Variants in PTPRT observed in about 807,000 individuals in gnomAD.
PTPRT encodes the protein receptor-type tyrosine-protein phosphatase T.
PTPRT carries 56 observed loss-of-function variants against 176.8 expected under a neutral mutation model. The ratio of observed to expected loss-of-function variants is 0.32; its 90% CI spans 0.26 to 0.40. The LOEUF is 0.40. PTPRT is among the 10% of genes least tolerant of loss of function. PTPRT has a pLI of 1.00. For missense variants in PTPRT, 1,540 were observed against 1,908.2 expected (o/e 0.81, Z 3.60); for synonymous variants, 783 against 739.0 (o/e 1.06, Z -0.96).
chr20:42,439,564 C>T (rs967375528), intron 9 of PTPRT, among the ~76,000 whole-genome samples: 1 of 152,150 alleles, frequency 6.6e-6, no homozygotes, highest in Non-Finnish European at 1.5e-5. Flanking sequence ...AGCGTAACAT[C>T]AGATAGAGGT....
the PTPRT span, among the ~76,000 whole-genome samples, chr20:42,064,523 A>G: frequency 2.0e-5 from 3 of 151,938 alleles, no homozygotes; most frequent in East Asian, 5.8e-4. Flanking sequence ...TTTCTTTTCC[A>G]TTATGTTTTC....
intron 9 of PTPRT, among the ~76,000 whole-genome samples, chr20:42,443,018 C>A (rs1282693589): frequency 7.2e-5 from 11 of 152,148 alleles, no homozygotes; most frequent in Non-Finnish European, 1.0e-4. Flanking sequence ...TTAATCAAAC[C>A]CAAAAGCAGG....
Position 43,139,238 on chromosome 20 carries a change from A to G in PTPRT, c.88+50408T>C, listed in dbSNP as rs369111864. Among the ~76,000 whole-genome samples the G allele has an allele frequency of 3.5e-4, 53 of 152,254 alleles. 2 individuals are homozygous for G. The Middle Eastern group carries it at 0.017, about 49-fold the overall frequency. ...CTGTCTTGTGCTCAGTCTCTTTTGC[A>G]CGTGTCTTCTCCCCACTCGATTGTT... On this transcript the variant is annotated intron_variant, in intron 1 of 30. Transcript: ENST00000373187.
At chr20:42,250,920 C>T (rs568645811) in intron 13 of PTPRT, among the ~76,000 whole-genome samples, 5 of 152,220 alleles carry the variant, frequency 3.3e-5, no homozygotes, top group Non-Finnish European at 5.9e-5. Flanking sequence ...AGACTCTTCT[C>T]ATCTACAGCC....
chr20:42,620,914 G>A (rs777986986), intron 7 of PTPRT, among the ~76,000 whole-genome samples: 4 of 152,152 alleles, frequency 2.6e-5, no homozygotes, highest in East Asian at 1.9e-4. Context: ...CATCGCTCAC[G>A]CTGGGAGCTG....
At chr20:42,924,652 C>T (rs766341648) in intron 1 of PTPRT, among the ~76,000 whole-genome samples, 1 of 152,230 alleles carries the variant, frequency 6.6e-6, no homozygotes, top group Non-Finnish European at 1.5e-5. Flanking sequence ...CAGAACATCA[C>T]AGCTGGCAAA....
chr20:43,018,512 T>C (rs1052212919), intron 1 of PTPRT, among the ~76,000 whole-genome samples: 8 of 152,214 alleles, frequency 5.3e-5, no homozygotes, highest in African/African-American at 1.9e-4. Flanking sequence ...TTGCATTTTT[T>C]AAAATTGAGA....
intron 2 of PTPRT, among the ~76,000 whole-genome samples, chr20:42,858,635 C>T (rs567124051): frequency 1.3e-5 from 2 of 152,252 alleles, no homozygotes; most frequent in East Asian, 1.9e-4. Flanking sequence ...AGAGATCTCA[C>T]GAGATATGGA....
At chr20:42,523,454 T>C (rs1175473493) in intron 7 of PTPRT, among the ~76,000 whole-genome samples, 1 of 152,224 alleles carries the variant, frequency 6.6e-6, no homozygotes, top group Non-Finnish European at 1.5e-5. Flanking sequence ...TACTCATTAT[T>C]TGTAATTTAT....
At position 42,897,770 on chromosome 20, in the gene PTPRT, C is replaced by G. The variant is rs184703192; in HGVS notation, c.89-11838G>C. ...TGACCTTGGCCAACTTATGTAACTT[C>G]TATGTGCTTCATTTCTCCATCTGTA... On this transcript the variant is annotated intron_variant, in intron 1 of 30. Coordinates refer to ENST00000373187, the MANE Select transcript of PTPRT (RefSeq NM_007050.6). 7.9e-5 allele frequency among the ~76,000 whole-genome samples: 12 copies of G among 152,254 alleles called. No individual in the cohort carries two copies. In the East Asian group the frequency reaches 2.1e-3, roughly 27 times the overall value.
chr20:42,449,037 A>C (rs1208726272), intron 8 of PTPRT, among the ~76,000 whole-genome samples: 1 of 152,140 alleles, frequency 6.6e-6, no homozygotes, highest in Non-Finnish European at 1.5e-5. Flanking sequence ...CATCTTACCA[A>C]GTATCATTTT....
intron 1 of PTPRT, among the ~76,000 whole-genome samples, chr20:43,035,449 C>G (rs1256482570): frequency 6.6e-6 from 1 of 152,172 alleles, no homozygotes; most frequent in Non-Finnish European, 1.5e-5. Flanking sequence ...GCACAAAAGA[C>G]AATAAAACTT....
intron 18 of PTPRT, among the ~76,000 whole-genome samples, chr20:42,138,659 C>A (rs895576456): frequency 6.6e-6 from 1 of 152,156 alleles, no homozygotes; most frequent in Admixed American, 6.5e-5. Flanking sequence ...TTTCCCCTTG[C>A]CAACAGTCGC....
chr20:42,831,175 A>G (rs1600804352), intron 2 of PTPRT, among the ~76,000 whole-genome samples: 1 of 152,182 alleles, frequency 6.6e-6, no homozygotes, highest in East Asian at 1.9e-4. Flanking sequence ...AGGTACCAAA[A>G]CAGATCTATA....
chr20:43,074,177 G>A (rs76382584), intron 1 of PTPRT, among the ~76,000 whole-genome samples: 2,743 of 152,262 alleles, frequency 0.018, 51 homozygotes, highest in East Asian at 0.076. Flanking sequence ...ATGAAAAAAG[G>A]TTGAAAAACT....
chr20:42,232,520 C>T (rs932785591), intron 15 of PTPRT, among the ~76,000 whole-genome samples: 3 of 152,084 alleles, frequency 2.0e-5, no homozygotes, highest in Non-Finnish European at 4.4e-5. Flanking sequence ...TTCAAGGCTC[C>T]CCCTCGGGGC....
chr20:42,304,704 C>T (rs1212046620), intron 12 of PTPRT, among the ~76,000 whole-genome samples: 2 of 152,140 alleles, frequency 1.3e-5, no homozygotes, highest in South Asian at 2.1e-4. Context: ...TCCGTGAGTG[C>T]AAATGTCTCC....
intron 7 of PTPRT, among the ~76,000 whole-genome samples, chr20:42,512,218 T>C (rs1463612369): frequency 1.3e-5 from 2 of 152,182 alleles, no homozygotes. Flanking sequence ...ACCACCACTA[T>C]CAGGATACAG....
chr20:42,634,071 A>AT (rs2074532316), intron 7 of PTPRT, among the ~76,000 whole-genome samples: 1 of 40,598 alleles, frequency 2.5e-5, no homozygotes, highest in Non-Finnish European at 4.2e-5. Context: ...TATAATATAT[A>AT]TATAATATAT....
Sources: allele counts gnomAD v4.1 joint callset (sites outside exome capture counted in the v4.1 genomes callset), GRCh38; gene constraint gnomAD v4.1.1; transcripts MANE v1.5; gene names NCBI Gene and HGNC (gene_info 2026-07-23, HGNC 2026-07-21).